Variants in FOCAD observed in about 807,000 individuals in gnomAD.
FOCAD encodes KIAA1797.
Under a neutral mutation model 225.6 loss-of-function variants are expected in FOCAD, and 198 were observed. That is an observed-to-expected ratio of 0.88 (90% CI 0.78 to 0.99). The LOEUF (loss-of-function observed/expected upper bound fraction) is 0.99. FOCAD is among the 50% of genes least tolerant of loss of function. The pLI, the probability that FOCAD is intolerant of heterozygous loss-of-function variation, is 0.00. For synonymous variants in FOCAD, 897 were observed against 755.0 expected (o/e 1.19, Z -3.08); for missense variants, 2,713 against 2,123.6 (o/e 1.28, Z -5.46).
chr9:20,950,240 T>C (rs1322805569), intron 33 of FOCAD, among the ~76,000 whole-genome samples: 5 of 152,344 alleles, frequency 3.3e-5, no homozygotes, highest in Non-Finnish European at 4.4e-5. Context: ...GCAACTGTTA[T>C]TGATATTTCA....
intron 37 of FOCAD, 124 bp downstream of exon 37, chr9:20,978,578 G>T: frequency 1.7e-6 from 1 of 572,750 alleles, no homozygotes; most frequent in East Asian, 3.3e-5. Context: ...CAAAAATCGA[G>T]GGTTTGATAG....
chr9:20,733,115 A>G (rs1826852895), intron 4 of FOCAD, among the ~76,000 whole-genome samples: 1 of 152,040 alleles, frequency 6.6e-6, no homozygotes, highest in Non-Finnish European at 1.5e-5. Flanking sequence ...TTGATTTGTT[A>G]ATTAACTCTT....
At chr9:20,831,891 A>G (rs1825529916) in intron 15 of FOCAD, among the ~76,000 whole-genome samples, 1 of 152,002 alleles carries the variant, frequency 6.6e-6, no homozygotes, top group African/African-American at 2.4e-5. Context: ...GGAACCAGCA[A>G]TCTACTTTCC....
rs78207611 is a variant in FOCAD, at chr9:20,769,684, T to A, written c.700-348T>A. On this transcript the variant is annotated intron_variant, in intron 7 of 43. Coordinates refer to ENST00000338382, the MANE Select transcript of FOCAD (RefSeq NM_001375567.1). ...ATGTTGGAATTGTAGAAATGAGAGT[T>A]CATTTGGAGAATTCAAAACTAAACT... Among the ~76,000 whole-genome samples the A allele has an allele frequency of 8.9e-3, 1,361 of 152,338 alleles. 11 individuals carry two copies. Among genetic ancestry groups the A allele is most frequent in the Non-Finnish European group, 0.015 (1,000 of 68,030 alleles).
chr9:20,841,232 T>C (rs1377181935), intron 15 of FOCAD, among the ~76,000 whole-genome samples: 1 of 152,014 alleles, frequency 6.6e-6, no homozygotes, highest in African/African-American at 2.4e-5. Context: ...AGTGTGATAC[T>C]GGCCTTGTAG....
intron 28 of FOCAD, among the ~76,000 whole-genome samples, chr9:20,935,529 T>C (rs199770272): frequency 6.6e-6 from 1 of 152,164 alleles, no homozygotes; most frequent in East Asian, 1.9e-4. Flanking sequence ...GCCTCCCAAA[T>C]TGCTGGCATT....
intron 1 of FOCAD, among the ~76,000 whole-genome samples, chr9:20,704,552 A>G (rs1395987938): frequency 6.6e-6 from 1 of 152,158 alleles, no homozygotes; most frequent in Non-Finnish European, 1.5e-5. Flanking sequence ...TACTTGGGGA[A>G]ATTATAATAG....
intron 1 of FOCAD, among the ~76,000 whole-genome samples, chr9:20,690,982 G>T (rs182318413): frequency 6.6e-6 from 1 of 150,456 alleles, no homozygotes; most frequent in Admixed American, 6.6e-5. Context: ...TCACTCTGTC[G>T]ACCAGGCTGG....
At chr9:20,853,738 C>CT (rs923865172) in intron 15 of FOCAD, among the ~76,000 whole-genome samples, 1 of 151,668 alleles carries the variant, frequency 6.6e-6, no homozygotes, top group Non-Finnish European at 1.5e-5. Flanking sequence ...CTGTTTGTTT[C>CT]TTTTTTCCCT....
In FOCAD at chr9:20,722,915, G is replaced by T. The variant is rs549627541; in HGVS notation, c.287+2381G>T. Among the ~76,000 whole-genome samples the T allele has an allele frequency of 1.1e-4, 17 of 152,248 alleles. 1 individual carries two copies. The South Asian group carries it at 3.3e-3, about 30-fold the overall frequency. On this transcript the variant is annotated intron_variant, in intron 4 of 43. Transcript: ENST00000338382. ...TAAAATGTAATTGCATTGTGTAGTT[G>T]TACTATTTATATTCAAAAGTTAAAG...
At chr9:20,662,184 ATGTGTGTGTGTGTGCATATATGTG>A (rs1038542025) in intron 2 of FOCAD, among the ~76,000 whole-genome samples, 2 of 150,338 alleles carry the variant, frequency 1.3e-5, no homozygotes, top group African/African-American at 2.4e-5. Context: ...GTGGAAATAT[ATGTGTGTGTGTGTGCATATATGTG>A]TGTGTGTGTG....
At chr9:20,767,924 G>A (rs1208658301) in intron 7 of FOCAD, among the ~76,000 whole-genome samples, 25 of 152,300 alleles carry the variant, frequency 1.6e-4, no homozygotes, top group Non-Finnish European at 3.1e-4. Flanking sequence ...GAATGGTGAT[G>A]CCTAGGTTTT....
chr9:20,907,060 A>C (rs1007606383), intron 21 of FOCAD, 90 bp from the exon 22 acceptor site: 3 of 1,003,896 alleles, frequency 3.0e-6, no homozygotes, highest in Admixed American at 4.3e-5. Context: ...TAAACCACTT[A>C]AGGAAAAGAA....
At chr9:20,911,958 A>T (rs1271284213) in intron 22 of FOCAD, among the ~76,000 whole-genome samples, 3 of 152,164 alleles carry the variant, frequency 2.0e-5, no homozygotes, top group Non-Finnish European at 2.9e-5. Context: ...ACTAGTAAAC[A>T]ATGAAATAAC....
At chr9:20,745,850 A>G (rs1268177367) in intron 5 of FOCAD, among the ~76,000 whole-genome samples, 3 of 152,218 alleles carry the variant, frequency 2.0e-5, no homozygotes, top group Non-Finnish European at 4.4e-5. Flanking sequence ...GAAGTGGACA[A>G]TTAGGCCAAC....
chr9:20,980,414 A>G (rs1412029294), intron 37 of FOCAD, among the ~76,000 whole-genome samples: 1 of 151,986 alleles, frequency 6.6e-6, no homozygotes, highest in Non-Finnish European at 1.5e-5. Flanking sequence ...ATTTTCCTAA[A>G]TTTTACTTAT....
chr9:20,984,069 G>A (rs757187916), intron 39 of FOCAD, among the ~76,000 whole-genome samples: 1 of 152,146 alleles, frequency 6.6e-6, no homozygotes, highest in Non-Finnish European at 1.5e-5. Flanking sequence ...GTGTTCTGAT[G>A]TCCCCAAAAG....
At chr9:20,738,577 G>A (rs920741477) in intron 4 of FOCAD, among the ~76,000 whole-genome samples, 3 of 152,210 alleles carry the variant, frequency 2.0e-5, no homozygotes, top group African/African-American at 7.2e-5. Flanking sequence ...TGTCATGAAA[G>A]ATTCATCCAT....
At chr9:20,877,670 G>A (rs1830338605) in intron 19 of FOCAD, among the ~76,000 whole-genome samples, 1 of 152,136 alleles carries the variant, frequency 6.6e-6, no homozygotes, top group African/African-American at 2.4e-5. Context: ...ATGCACAACT[G>A]AAGTCTTTTG....
Sources: allele counts gnomAD v4.1 joint callset (sites outside exome capture counted in the v4.1 genomes callset), GRCh38; gene constraint gnomAD v4.1.1; transcripts MANE v1.5; gene names NCBI Gene and HGNC (gene_info 2026-07-23, HGNC 2026-07-21).